The following SPATS2L variants were observed in gnomAD, a reference collection of about 807,000 sequenced individuals.
The protein encoded by SPATS2L is spermatogenesis associated serine rich 2 like.
SPATS2L carries 30 observed loss-of-function variants against 59.6 expected under a neutral mutation model. The observed-to-expected ratio is 0.50, with a 90% CI of 0.38 to 0.68. The LOEUF is 0.68. Ranked by LOEUF, SPATS2L falls within the 30% of genes least tolerant of loss-of-function variation. SPATS2L has a pLI of 0.00. For synonymous variants in SPATS2L, 252 were observed against 263.5 expected (o/e 0.96, Z 0.42); for missense variants, 615 against 700.0 (o/e 0.88, Z 1.37).
In SPATS2L at chr2:200,419,248, A is replaced by C. The variant is rs754785002; in HGVS notation, c.199-2A>C. The C allele has an allele frequency of 6.4e-7, 1 of 1,564,638 alleles. No individual in the cohort carries two copies. The highest frequency in any genetic ancestry group is 8.7e-7 in the Non-Finnish European group (1 of 1,154,316). ...TATGTTCTCATTTGTTTCTCATTCT[A>C]GAACAATAAAAGAAAAAGAAGCAAG... On this transcript the variant is annotated splice_acceptor_variant, in intron 5 of 12. Transcript: ENST00000409140. LOFTEE classifies it high-confidence loss of function.
intron 2 of SPATS2L, among the ~76,000 whole-genome samples, chr2:200,344,050 A>ATT (rs1559054157): frequency 5.3e-5 from 8 of 151,772 alleles, no homozygotes; most frequent in African/African-American, 1.9e-4. Context: ...TTTTTTTTAA[A>ATT]AAAAATTTAT....
chr2:200,333,330 G>A (rs1250638052), intron 2 of SPATS2L, among the ~76,000 whole-genome samples: 1 of 118,332 alleles, frequency 8.5e-6, no homozygotes, highest in Non-Finnish European at 1.9e-5. Context: ...AGATTACATA[G>A]CAGTCTTTTT....
chr2:200,477,811 G>C lies in SPATS2L; in HGVS notation c.1457G>C (p.Gly486Ala). 6.3e-7 allele frequency: 1 copy of C among 1,575,304 alleles called. No homozygotes were observed. The highest frequency in any genetic ancestry group is 2.3e-5 in the East Asian group (1 of 42,592). The change falls in exon 13 of 13, where the codon GGT becomes GCT. Residue 486 changes from glycine to alanine, a missense_variant. Gly to Ala is a moderately conservative substitution (Grantham distance 60). Transcript: ENST00000409140. ...GGCTTCCGGCCCAAAAACAAAGGCG[G>C]TGCCAAAAATCAAGAGGCTTCCTTG... ...HNGFRPKNKG[G>A]AKNQEASLGM...
chr2:200,388,005 C>T (rs944230183), intron 2 of SPATS2L, among the ~76,000 whole-genome samples: 17 of 151,826 alleles, frequency 1.1e-4, no homozygotes, highest in African/African-American at 4.1e-4. Context: ...AGATTGGACA[C>T]CAAAGGCAGA....
chr2:200,341,973 C>T (rs2105821812), intron 2 of SPATS2L, among the ~76,000 whole-genome samples: 1 of 152,258 alleles, frequency 6.6e-6, no homozygotes, highest in African/African-American at 2.4e-5. Context: ...CAGGCGTGAG[C>T]CACCGCGCCC....
chr2:200,368,896 T>TA (rs1353780383), intron 2 of SPATS2L, among the ~76,000 whole-genome samples: 1 of 152,108 alleles, frequency 6.6e-6, no homozygotes, highest in Non-Finnish European at 1.5e-5. Context: ...TATACATATA[T>TA]AAAATATATG....
At chr2:200,458,217 G>T (rs1400266500) in intron 8 of SPATS2L, among the ~76,000 whole-genome samples, 1 of 152,134 alleles carries the variant, frequency 6.6e-6, no homozygotes, top group Non-Finnish European at 1.5e-5. Context: ...ATAAGAAAGA[G>T]TTATAGAATG....
intron 8 of SPATS2L, among the ~76,000 whole-genome samples, chr2:200,454,676 A>G (rs1028043322): frequency 6.6e-6 from 1 of 152,224 alleles, no homozygotes; most frequent in Non-Finnish European, 1.5e-5. Flanking sequence ...AAATTTTACT[A>G]TCCAGGCAGT....
At chr2:200,444,574 A>G (rs2084908504) in intron 8 of SPATS2L, among the ~76,000 whole-genome samples, 1 of 151,536 alleles carries the variant, frequency 6.6e-6, no homozygotes, top group African/African-American at 2.4e-5. Context: ...TTGTTTTCCA[A>G]GAGGAAAGGG....
chr2:200,449,715 AAAG>A (rs1158571832), intron 8 of SPATS2L, among the ~76,000 whole-genome samples: 5 of 152,238 alleles, frequency 3.3e-5, no homozygotes, highest in African/African-American at 1.2e-4. Context: ...TCACTAGAAA[AAAG>A]AAGATGAATT....
chr2:200,346,937 A>G lies in SPATS2L; in HGVS notation c.-23+17457A>G, dbSNP rs958555334. On this transcript the variant is annotated intron_variant, in intron 2 of 12. Coordinates refer to ENST00000409140, the MANE Select transcript of SPATS2L (RefSeq NM_001100423.2). Reference sequence around the variant, plus strand: ...AAATTGGGCTGCTGTACATGCTTGCAGATCCTGTATTTTTAATTGTAGTTA... The same window carrying G: ...AAATTGGGCTGCTGTACATGCTTGCGGATCCTGTATTTTTAATTGTAGTTA... 9.2e-5 allele frequency among the ~76,000 whole-genome samples: 14 copies of G among 152,218 alleles called. No individual in the cohort carries two copies. The East Asian group carries it at 1.9e-3, about 21-fold the overall frequency.
At chr2:200,354,331 G>A (rs1036926721) in intron 2 of SPATS2L, among the ~76,000 whole-genome samples, 3 of 152,154 alleles carry the variant, frequency 2.0e-5, no homozygotes, top group South Asian at 4.1e-4. Flanking sequence ...AGTTCAGGTC[G>A]GGCGCGATGG....
chr2:200,477,142 G>A (rs551340104), intron 12 of SPATS2L, among the ~76,000 whole-genome samples: 9 of 152,114 alleles, frequency 5.9e-5, no homozygotes, highest in Non-Finnish European at 1.3e-4. Flanking sequence ...GGCAATATTT[G>A]AGCAGGAAAA....
intron 2 of SPATS2L, among the ~76,000 whole-genome samples, chr2:200,333,152 GGT>G (rs2080010855): frequency 6.6e-6 from 1 of 151,756 alleles, no homozygotes; most frequent in African/African-American, 2.4e-5. Flanking sequence ...TGGGTGTGGT[GGT>G]GTGTGCCTGT....
intron 1 of SPATS2L, among the ~76,000 whole-genome samples, chr2:200,327,701 C>T (rs1210656995): frequency 1.3e-5 from 2 of 152,102 alleles, no homozygotes; most frequent in Non-Finnish European, 2.9e-5. Context: ...ATTTTAAAAT[C>T]AATTCCTTTT....
intron 5 of SPATS2L, 105 bp downstream of exon 5, chr2:200,416,533 T>G: frequency 2.0e-6 from 1 of 507,878 alleles, no homozygotes. Context: ...TCAAGTATGT[T>G]AATATATACA....
chr2:200,389,141 GT>G, intron 2 of SPATS2L, 81 bp from the exon 3 acceptor site: 1 of 819,348 alleles, frequency 1.2e-6, no homozygotes, highest in Non-Finnish European at 2.0e-6. Flanking sequence ...GAATGAAGTT[GT>G]TTACTGTGTT....
intron 1 of SPATS2L, among the ~76,000 whole-genome samples, chr2:200,313,129 C>T (rs540640311): frequency 6.6e-6 from 1 of 152,198 alleles, no homozygotes; most frequent in African/African-American, 2.4e-5. Context: ...TGAGGTAACA[C>T]ATGGTGACAC....
At chr2:200,385,912 C>A (rs987462137) in intron 2 of SPATS2L, among the ~76,000 whole-genome samples, 3 of 152,140 alleles carry the variant, frequency 2.0e-5, no homozygotes, top group Non-Finnish European at 4.4e-5. Flanking sequence ...CCAGGATGGT[C>A]TCGATCTCCT....
Sources: gnomAD v4.1 joint callset for allele counts (sites outside exome capture counted in the v4.1 genomes callset) on GRCh38, gnomAD v4.1.1 for gene constraint, MANE v1.5 for transcripts, NCBI Gene and HGNC (gene_info 2026-07-23, HGNC 2026-07-21) for gene names.